The following WDPCP variants were observed in gnomAD, a reference collection of about 807,000 sequenced individuals.
WDPCP encodes the protein WD repeat-containing and planar cell polarity effector protein fritz homolog.
Under a neutral mutation model 93.1 loss-of-function variants are expected in WDPCP, and 71 were observed. That is an observed-to-expected ratio of 0.76 (90% confidence interval 0.63 to 0.93). The LOEUF is 0.93. Among genes scored for constraint, WDPCP ranks in the 40% least tolerant of loss-of-function variants. The pLI, the probability that WDPCP is intolerant of heterozygous loss-of-function variation, is 0.00. For missense variants in WDPCP, 844 were observed against 887.4 expected (o/e 0.95, Z 0.62); for synonymous variants, 315 against 315.0 (o/e 1.00, Z 0.00).
intron 13 of WDPCP, among the ~76,000 whole-genome samples, chr2:63,282,890 A>T (rs1389809567): frequency 1.5e-4 from 23 of 152,204 alleles, no homozygotes; most frequent in Admixed American, 1.5e-3. Flanking sequence ...TATTCCCAAA[A>T]CACTTTAAAT....
upstream of WDPCP, among the ~76,000 whole-genome samples, chr2:63,828,590 T>C (rs964221303): frequency 6.6e-6 from 1 of 152,136 alleles, no homozygotes; most frequent in Non-Finnish European, 1.5e-5. Context: ...TTTCTCCTTT[T>C]TAGGCAGATG....
intron 17 of WDPCP, among the ~76,000 whole-genome samples, chr2:63,127,249 G>A (rs1246211019): frequency 6.6e-6 from 1 of 151,072 alleles, no homozygotes; most frequent in Admixed American, 6.6e-5. Flanking sequence ...AGCCTCCCGA[G>A]TAGCTGAGAC....
intron 10 of WDPCP, among the ~76,000 whole-genome samples, chr2:63,385,585 T>G (rs1045974011): frequency 4.7e-4 from 72 of 152,036 alleles, no homozygotes; most frequent in African/African-American, 1.5e-3. Flanking sequence ...ACACTTAAAA[T>G]TATAAAACTA....
intron 1 of WDPCP, among the ~76,000 whole-genome samples, chr2:63,556,758 C>A (rs1024951012): frequency 2.6e-5 from 4 of 151,840 alleles, no homozygotes; most frequent in African/African-American, 7.3e-5. Context: ...ATGTTAAGGA[C>A]AGCCAGAGAG....
At chr2:63,474,519 C>T (rs890796381) in intron 6 of WDPCP, among the ~76,000 whole-genome samples, 7 of 152,064 alleles carry the variant, frequency 4.6e-5, no homozygotes, top group Non-Finnish European at 8.8e-5. Context: ...TATAAACTTA[C>T]CATTAATATC....
intron 9 of WDPCP, among the ~76,000 whole-genome samples, chr2:63,412,718 T>A (rs991416997): frequency 7.9e-5 from 12 of 151,844 alleles, no homozygotes; most frequent in Admixed American, 3.3e-4. Flanking sequence ...AAATCAGTAG[T>A]TCTATACAAC....
At chr2:63,566,091 C>A (rs917796114) in intron 1 of WDPCP, among the ~76,000 whole-genome samples, 4 of 152,164 alleles carry the variant, frequency 2.6e-5, no homozygotes, top group African/African-American at 9.7e-5. Flanking sequence ...GAATTCCCAT[C>A]CATTTCCCTT....
chr2:63,828,558 T>G (rs1307143577), upstream of WDPCP, among the ~76,000 whole-genome samples: 1 of 152,138 alleles, frequency 6.6e-6, no homozygotes. Context: ...AATGAAAAAA[T>G]AACCTCTCCT....
intron 17 of WDPCP, among the ~76,000 whole-genome samples, chr2:63,125,111 T>C (rs1461498051): frequency 1.3e-5 from 2 of 152,226 alleles, no homozygotes; most frequent in Non-Finnish European, 2.9e-5. Context: ...TGGTATCATA[T>C]ATAGGTTTCT....
intron 6 of WDPCP, chr2:63,440,337 G>C (rs1697425571): frequency 6.6e-6 from 1 of 152,390 alleles, no homozygotes; most frequent in Non-Finnish European, 1.5e-5. Flanking sequence ...GCATTTATTT[G>C]GAAGTTAAAC....
intron 1 of WDPCP, among the ~76,000 whole-genome samples, chr2:63,813,978 G>A (rs1670894746): frequency 6.6e-6 from 1 of 152,146 alleles, no homozygotes; most frequent in African/African-American, 2.4e-5. Flanking sequence ...TATCATAAAT[G>A]TTTGCTGATA....
At chr2:63,244,705 G>A (rs78864469) in intron 14 of WDPCP, among the ~76,000 whole-genome samples, 107 of 152,216 alleles carry the variant, frequency 7.0e-4, no homozygotes, top group African/African-American at 2.3e-3. Flanking sequence ...AACAAATTCC[G>A]AAATCAAATA....
intron 13 of WDPCP, among the ~76,000 whole-genome samples, chr2:63,308,433 C>A (rs753059457): frequency 2.6e-5 from 4 of 152,184 alleles, no homozygotes; most frequent in African/African-American, 4.8e-5. Flanking sequence ...ACTATAAAGA[C>A]ATATGCACAC....
upstream of WDPCP, chr2:63,593,548 A>G (rs1192078010): frequency 4.2e-6 from 2 of 471,110 alleles, 1 homozygote; most frequent in South Asian, 3.1e-5. Flanking sequence ...CGTGACTCTC[A>G]TCTGGAAGAA....
rs1230418662 is a variant in WDPCP, at chr2:63,174,800, G to A, written c.1948C>T (p.Leu650=). 6.2e-7 allele frequency: 1 copy of A among 1,613,872 alleles called. No homozygotes were observed. Residue 650 remains leucine, a synonymous_variant, in exon 15 of 18, where the codon CTA becomes TTA. Coordinates refer to ENST00000272321, the MANE Select transcript of WDPCP (RefSeq NM_015910.7). ...GACAGGCCAATAAATGCTTCATTTA[G>A]CATATCCCCTCTGTCCAAGGGTCCC... ...LLGPLDRGDM[L]NEAFIGLSLA...
rs1559134476 is a variant in WDPCP, at chr2:63,121,831, T to G, written c.*175A>C. On this transcript the variant is annotated 3_prime_UTR_variant, in exon 18 of 18. Transcript: ENST00000272321. ...ACGATCACTTTGCTGTTATGCTGCATGTTTTTGAAATAATAAAACTTTATT... is the reference window on the plus strand; with the variant it reads ...ACGATCACTTTGCTGTTATGCTGCAGGTTTTTGAAATAATAAAACTTTATT... 10 of 1,393,254 alleles carry G rather than the reference T, an allele frequency of 7.2e-6. No homozygotes were observed. Among genetic ancestry groups the G allele is most frequent in the African/African-American group, 1.4e-5 (1 of 69,068 alleles). 86.3% of individuals were successfully genotyped at this position (1,393,254 alleles called of 1,614,324 possible). A position where few individuals can be genotyped will look rare whatever the true frequency, so the allele number is the denominator to read the frequency against.
intron 1 of WDPCP, among the ~76,000 whole-genome samples, chr2:63,558,527 CA>C (rs57582852): frequency 9.1e-5 from 13 of 143,244 alleles, no homozygotes; most frequent in South Asian, 2.2e-4. Flanking sequence ...GACTCTGTCT[CA>C]AAAAAAAAAA....
intron 2 of WDPCP, among the ~76,000 whole-genome samples, chr2:63,734,860 GAT>G (rs1669615363): frequency 8.2e-6 from 1 of 122,484 alleles, no homozygotes; most frequent in Non-Finnish European, 1.7e-5. Context: ...GATAGATGGA[GAT>G]AGATAGATAG....
intron 1 of WDPCP, among the ~76,000 whole-genome samples, chr2:63,520,394 C>A (rs1306886807): frequency 6.6e-6 from 1 of 152,080 alleles, no homozygotes; most frequent in Admixed American, 6.5e-5. Flanking sequence ...AGAACTCCTG[C>A]AGAATACTAC....
Sources: gnomAD v4.1 joint callset for allele counts (sites outside exome capture counted in the v4.1 genomes callset) on GRCh38, gnomAD v4.1.1 for gene constraint, MANE v1.5 for transcripts, NCBI Gene and HGNC (gene_info 2026-07-23, HGNC 2026-07-21) for gene names.